The following MARF1 variants were observed in gnomAD, a reference collection of about 807,000 sequenced individuals.
MARF1 encodes meiosis regulator and mRNA stability factor 1, also known as limkain-b1.
Under a neutral mutation model 168.2 loss-of-function variants are expected in MARF1, and 24 were observed. The observed-to-expected ratio is 0.14, with a 90% CI of 0.10 to 0.20. MARF1 has a LOEUF of 0.20. Ranked by LOEUF, MARF1 falls within the 10% of genes least tolerant of loss-of-function variation. The probability of loss-of-function intolerance (pLI) is 1.00; values close to 1 mark genes in which losing one functional copy is unlikely to be tolerated. For missense variants in MARF1, 1,744 were observed against 2,143.6 expected, an observed-to-expected ratio of 0.81 and a Z score of 3.68; for synonymous variants, 868 against 822.4, an observed-to-expected ratio of 1.06 and a Z score of -0.95.
intron 12 of MARF1, among the ~76,000 whole-genome samples, chr16:15,621,037 CTTCTT>C (rs2034419801): frequency 1.3e-5 from 2 of 151,912 alleles, no homozygotes; most frequent in South Asian, 2.1e-4. Context: ...TTTTCCCCTG[CTTCTT>C]TTATGTTTCT....
chr16:15,594,873 G>C lies in MARF1; in HGVS notation c.*1820C>G, dbSNP rs2031532355. 2 of 152,534 alleles carry C rather than the reference G, an allele frequency of 1.3e-5. No homozygotes were observed. The highest frequency in any genetic ancestry group is 4.8e-5 in the African/African-American group (2 of 41,420). The allele number at this position is 152,534 out of a possible 1,614,324, so 9.4% of individuals were successfully genotyped here. Reference sequence around the variant, plus strand: ...ACAGCACAGAACTTGATTCTTCTTTGTCTGTTGCCCAAAGAACCTGTTCTT... The same window carrying C: ...ACAGCACAGAACTTGATTCTTCTTTCTCTGTTGCCCAAAGAACCTGTTCTT... On this transcript the variant is annotated 3_prime_UTR_variant, in exon 27 of 27. Transcript: ENST00000396368.
At position 15,622,984 on chromosome 16, in the gene MARF1, G is replaced by T; in HGVS notation, c.2410C>A (p.Arg804=). The change falls in exon 11 of 27, where the codon CGG becomes AGG. Residue 804 remains arginine, a synonymous_variant. Transcript: ENST00000396368. The part of the protein sequence containing the change: ...QVSNIDYRLS[R]KELQQLLQEA... ...TGCAGGAGCTGCTGCAGCTCCTTCCGGGATAATCTGTAGTCTATGTTGCTG... is the reference window on the plus strand; with the variant it reads ...TGCAGGAGCTGCTGCAGCTCCTTCCTGGATAATCTGTAGTCTATGTTGCTG... 1 of 1,598,522 alleles carries T rather than the reference G, an allele frequency of 6.3e-7. No individual in the cohort carries two copies. Among genetic ancestry groups the T allele is most frequent in the African/African-American group, 1.3e-5 (1 of 74,846 alleles).
At position 15,639,276 on chromosome 16, in the gene MARF1, C is replaced by T; in HGVS notation, c.-43G>A. On this transcript the variant is annotated 5_prime_UTR_variant, in exon 2 of 27. Coordinates refer to ENST00000396368, the MANE Select transcript of MARF1 (RefSeq NM_014647.4). ...TTCAACATCCTTTCATCTTTCTTTT[C>T]TTTCATTCTTCCACCCTGTTAAGAA... 1.9e-6 allele frequency: 3 copies of T among 1,586,646 alleles called. No individual in the cohort carries two copies. The highest frequency in any genetic ancestry group is 2.6e-6 in the Non-Finnish European group (3 of 1,165,598).
At chr16:15,637,706 C>G (rs1250989939) in intron 2 of MARF1, among the ~76,000 whole-genome samples, 1 of 152,146 alleles carries the variant, frequency 6.6e-6, no homozygotes, top group African/African-American at 2.4e-5. Flanking sequence ...AGGACCAGAT[C>G]TACCACCCCA....
chr16:15,643,074 C>G lies in MARF1; in HGVS notation c.-115G>C, dbSNP rs928204299. The G allele has an allele frequency of 1.1e-5, 3 of 278,450 alleles. No homozygotes were observed. The highest frequency in any genetic ancestry group is 2.8e-5 in the South Asian group (1 of 36,048). 17.2% of individuals were successfully genotyped at this position (278,450 alleles called of 1,614,324 possible). A position where few individuals can be genotyped will look rare whatever the true frequency, so the allele number is the denominator to read the frequency against. ...CCGGCCCCGCCGCCTTCCCCCCGCC[C>G]CCCCCAGGCCCTTTGTTTTGATTCC... On this transcript the variant is annotated 5_prime_UTR_variant, in exon 1 of 27. Transcript: ENST00000396368.
intron 6 of MARF1, among the ~76,000 whole-genome samples, chr16:15,630,755 T>C (rs1446567911): frequency 1.3e-5 from 2 of 151,858 alleles, no homozygotes; most frequent in African/African-American, 4.8e-5. Context: ...AGACTCAAAT[T>C]TGAAAATTAA....
At chr16:15,597,720 C>G (rs1379098765) in intron 26 of MARF1, among the ~76,000 whole-genome samples, 1 of 152,194 alleles carries the variant, frequency 6.6e-6, no homozygotes, top group Non-Finnish European at 1.5e-5. Flanking sequence ...GAACTGCCCA[C>G]AGTGTTTTAA....
At chr16:15,601,540 G>A (rs1191516531) in intron 23 of MARF1, 14 of 239,992 alleles carry the variant, frequency 5.8e-5, no homozygotes, top group Non-Finnish European at 1.7e-5. Flanking sequence ...TCACAACCCT[G>A]CATCTGCTCA....
At chr16:15,633,977 C>G (rs1407915658) in intron 4 of MARF1, 134 bp from the exon 5 acceptor site, 6 of 701,172 alleles carry the variant, frequency 8.6e-6, no homozygotes, top group Non-Finnish European at 1.2e-5. Context: ...TTAAGGCTAC[C>G]AACCTCACTG....
At chr16:15,640,711 A>G (rs940532186) in intron 1 of MARF1, among the ~76,000 whole-genome samples, 1 of 152,206 alleles carries the variant, frequency 6.6e-6, no homozygotes, top group Non-Finnish European at 1.5e-5. Context: ...CCAACAAACA[A>G]AATTACATGA....
rs1364997424 is a variant in MARF1 at position 15,625,797 on chromosome 16, ACTG to A, written c.1525_1527del (p.Gln509del). On this transcript the variant is annotated inframe_deletion and splice_region_variant, in exon 8 of 27. Transcript: ENST00000396368. ...TTATAAACATAGAGCAGAGTGTGGC[ACTG>A]CTAATACAGAGGAAAGAAGTGTTAC... 1 of 1,609,170 alleles carries A rather than the reference ACTG, an allele frequency of 6.2e-7. No individual in the cohort carries two copies. Among genetic ancestry groups the A allele is most frequent in the Non-Finnish European group, 8.5e-7 (1 of 1,176,650 alleles).
intron 15 of MARF1, 84 bp downstream of exon 15, chr16:15,616,968 A>T (rs768652479): frequency 4.2e-5 from 63 of 1,490,324 alleles, no homozygotes; most frequent in Middle Eastern, 1.8e-4. Context: ...ACTTATTTGT[A>T]AAGAGATGTG....
rs374495880 is a variant in MARF1, at chr16:15,639,204, G to A, written c.30C>T (p.Ser10=). ...GAAGCCATCCACGTGTTCTACTGCA[G>A]GAGTTCTCAGTTCCGTTTCCTTCCA... MMEGNGTEN[S]CSRTRGWLQQ... Residue 10 remains serine, a synonymous_variant, in exon 2 of 27, where the codon TCC becomes TCT. Coordinates refer to ENST00000396368, the MANE Select transcript of MARF1 (RefSeq NM_014647.4). 2 of 1,613,924 alleles carry A rather than the reference G, an allele frequency of 1.2e-6. No homozygotes were observed. Among genetic ancestry groups the A allele is most frequent in the Non-Finnish European group, 8.5e-7 (1 of 1,179,988 alleles).
At chr16:15,630,630 C>T (rs571461546) in intron 6 of MARF1, 126 bp from the exon 7 acceptor site, 21 of 755,354 alleles carry the variant, frequency 2.8e-5, no homozygotes, top group South Asian at 1.0e-4. Context: ...TTGCTTCCCC[C>T]GTTTCTTAGG....
At chr16:15,624,653 T>C (rs1029176072) in intron 10 of MARF1, 116 bp downstream of exon 10, 5 of 951,610 alleles carry the variant, frequency 5.3e-6, no homozygotes, top group Non-Finnish European at 8.0e-6. Flanking sequence ...AGAAGAGTGA[T>C]GGGAGACTTA....
In MARF1 at chr16:15,604,395, C is replaced by T. The variant is rs1477866624; in HGVS notation, c.4186G>A (p.Ala1396Thr). ...ATCTGTCTGCCAGATTCTATATCGG[C>T]AACCTGGGGAAAACGAGAATTCACA... ...TQKLCHVVKVADIESGRQIQL... is the reference protein window; with the variant it reads ...TQKLCHVVKVTDIESGRQIQL... The change falls in exon 22 of 27, where the codon GCC (alanine) becomes ACC (threonine). Residue 1396 changes from alanine to threonine, a missense_variant. By Grantham distance (58) the Ala-to-Thr change is moderately conservative. Around this residue, in one of 7 missense-constraint regions of MARF1, gnomAD observed 74 missense variants for 66.7 expected, o/e 1.11. Coordinates refer to ENST00000396368, the MANE Select transcript of MARF1 (RefSeq NM_014647.4). 11 of 1,611,298 alleles carry T rather than the reference C, an allele frequency of 6.8e-6. No individual in the cohort carries two copies. The African/African-American group carries it at 1.5e-4, about 22-fold the overall frequency.
At chr16:15,625,322 A>C (rs377204336) in intron 8 of MARF1, 50 bp downstream of exon 8, 1 of 1,561,766 alleles carries the variant, frequency 6.4e-7, no homozygotes, top group African/African-American at 1.4e-5. Context: ...AAACACAGAA[A>C]CAAACCAAAC....
intron 5 of MARF1, among the ~76,000 whole-genome samples, 178 bp downstream of exon 5, chr16:15,633,439 G>A (rs1749943020): frequency 1.3e-5 from 2 of 152,116 alleles, no homozygotes; most frequent in African/African-American, 4.8e-5. Context: ...CTGGCTAGTT[G>A]GGAGGCTGAG....
chr16:15,616,043 A>T (rs1271765758), intron 15 of MARF1, 38 bp from the exon 16 acceptor site: 3 of 1,418,000 alleles, frequency 2.1e-6, no homozygotes, highest in Non-Finnish European at 2.8e-6. Flanking sequence ...GGAAAGGTTA[A>T]ATCAAAATAA....
Sources: gnomAD v4.1 joint callset for allele counts (sites outside exome capture counted in the v4.1 genomes callset) on GRCh38, gnomAD v4.1.1 for gene constraint, gnomAD v4.1.1 regional missense constraint, MANE v1.5 for transcripts, NCBI Gene and HGNC (gene_info 2026-07-23, HGNC 2026-07-21) for gene names.